The following RNFT2 variants were observed in gnomAD, a reference collection of about 807,000 sequenced individuals.
The protein encoded by RNFT2 is ring finger protein, transmembrane 2, also known as E3 ubiquitin-protein ligase RNFT2.
RNFT2 carries 36 observed loss-of-function variants against 53.0 expected under a neutral mutation model. The ratio of observed to expected loss-of-function variants is 0.68; its 90% CI spans 0.52 to 0.90. The LOEUF (loss-of-function observed/expected upper bound fraction) is 0.90, where lower values mean the gene tolerates loss of function less well. Among genes scored for constraint, RNFT2 ranks in the 40% least tolerant of loss-of-function variants. RNFT2 has a pLI of 0.00. For synonymous variants in RNFT2, 260 were observed against 253.2 expected, an observed-to-expected ratio of 1.03 and a Z score of -0.26; for missense variants, 514 against 585.6, an observed-to-expected ratio of 0.88 and a Z score of 1.26.
At chr12:116,806,981 T>G (rs575301708) in intron 7 of RNFT2, among the ~76,000 whole-genome samples, 1 of 152,282 alleles carries the variant, frequency 6.6e-6, no homozygotes, top group South Asian at 2.1e-4. Flanking sequence ...TCTCCCTTTT[T>G]ACATGGCTTC....
At chr12:116,765,423 G>A (rs1310892136) in intron 5 of RNFT2, among the ~76,000 whole-genome samples, 2 of 152,128 alleles carry the variant, frequency 1.3e-5, no homozygotes, top group East Asian at 3.9e-4. Context: ...CAGTGCGTGG[G>A]GCACTGAGCT....
intron 7 of RNFT2, among the ~76,000 whole-genome samples, chr12:116,798,396 G>A (rs1874610187): frequency 6.6e-6 from 1 of 152,252 alleles, no homozygotes; most frequent in Non-Finnish European, 1.5e-5. Context: ...ACACTGCACA[G>A]TGGTTAAATG....
At chr12:116,809,243 T>C (rs1489843793) in intron 7 of RNFT2, among the ~76,000 whole-genome samples, 1 of 152,210 alleles carries the variant, frequency 6.6e-6, no homozygotes, top group Non-Finnish European at 1.5e-5. Context: ...AGCAGAGTCG[T>C]GGCTGCATCC....
intron 7 of RNFT2, among the ~76,000 whole-genome samples, chr12:116,797,358 A>G (rs1428632028): frequency 6.6e-6 from 1 of 152,106 alleles, no homozygotes. Context: ...TCAGAAGTTC[A>G]AGACCAGCCT....
intron 3 of RNFT2, among the ~76,000 whole-genome samples, chr12:116,747,381 C>A (rs1228629939): frequency 6.6e-6 from 1 of 152,056 alleles, no homozygotes; most frequent in African/African-American, 2.4e-5. Flanking sequence ...AACATATTTC[C>A]TGGAGCCAAT....
In RNFT2 at chr12:116,846,498, C is replaced by G. The variant is rs60447155; in HGVS notation, c.1201-2816C>G. On this transcript the variant is annotated intron_variant, in intron 10 of 10. Transcript: ENST00000257575. ...GTGGAGGAAGTCTCGCCATGTTGCCCAGGCTGGTCTCAAACTCCTGGCCTC... is the reference window on the plus strand; with the variant it reads ...GTGGAGGAAGTCTCGCCATGTTGCCGAGGCTGGTCTCAAACTCCTGGCCTC... Among the ~76,000 whole-genome samples, 1,195 of 148,048 alleles carry G rather than the reference C, an allele frequency of 8.1e-3. 5 individuals carry two copies. The highest frequency in any genetic ancestry group is 0.027 in the African/African-American group (1,094 of 39,950).
intron 7 of RNFT2, among the ~76,000 whole-genome samples, chr12:116,796,719 G>A (rs7314211): frequency 1.8e-4 from 28 of 152,158 alleles, no homozygotes; most frequent in Admixed American, 1.2e-3. Flanking sequence ...CCCTCTCCCC[G>A]CCTTCCCTTC....
rs1331251869 is a variant in RNFT2 at position 116,851,096 on chromosome 12, CCT to C, written c.*1649_*1650del. ...TGATGGGGGAGGTACTGTTGGGTCC[CCT>C]GTTTTATAGATGAGGAAACTTGGGC... On this transcript the variant is annotated 3_prime_UTR_variant, in exon 11 of 11. Transcript: ENST00000257575. The C allele has an allele frequency of 6.6e-6, 1 of 152,178 alleles. No homozygotes were observed. Among genetic ancestry groups the C allele is most frequent in the Non-Finnish European group, 1.5e-5 (1 of 68,134 alleles). 9.4% of individuals were successfully genotyped at this position (152,178 alleles called of 1,614,324 possible).
At chr12:116,754,086 C>T (rs775137932) in intron 5 of RNFT2, 26 bp downstream of exon 5, 13 of 1,583,000 alleles carry the variant, frequency 8.2e-6, no homozygotes, top group Non-Finnish European at 1.1e-5. Flanking sequence ...ACCTAGTCTC[C>T]TGTGGCTGCT....
At chr12:116,784,694 C>T (rs1407297204) in intron 7 of RNFT2, among the ~76,000 whole-genome samples, 1 of 152,320 alleles carries the variant, frequency 6.6e-6, no homozygotes, top group Admixed American at 6.5e-5. Context: ...TCTAACTCTT[C>T]CTCTTTCTTC....
chr12:116,809,084 C>T (rs538860794), intron 7 of RNFT2, among the ~76,000 whole-genome samples: 25 of 152,300 alleles, frequency 1.6e-4, no homozygotes, highest in South Asian at 8.3e-4. Flanking sequence ...CCCTGCCTAT[C>T]GCTGGTAATC....
intron 7 of RNFT2, among the ~76,000 whole-genome samples, chr12:116,780,378 T>C (rs1873637358): frequency 6.6e-6 from 1 of 152,172 alleles, no homozygotes; most frequent in Non-Finnish European, 1.5e-5. Flanking sequence ...GCATACAACC[T>C]AGATCATCCC....
intron 7 of RNFT2, among the ~76,000 whole-genome samples, chr12:116,803,052 G>A (rs1006011373): frequency 8.6e-5 from 13 of 151,888 alleles, no homozygotes; most frequent in Admixed American, 3.9e-4. Flanking sequence ...CCGAGATCAC[G>A]CCACTGCACC....
chr12:116,838,228 T>A (rs1016327918), intron 10 of RNFT2, among the ~76,000 whole-genome samples: 1 of 152,226 alleles, frequency 6.6e-6, no homozygotes, highest in Non-Finnish European at 1.5e-5. Context: ...CAAATAAGGC[T>A]GTCATGAATG....
chr12:116,794,465 G>A (rs1229368515), intron 7 of RNFT2, among the ~76,000 whole-genome samples: 1 of 148,454 alleles, frequency 6.7e-6, no homozygotes, highest in Non-Finnish European at 1.5e-5. Flanking sequence ...AGGTGTGGTG[G>A]TGCACACCTG....
At chr12:116,810,312 C>T (rs1040762835) in intron 7 of RNFT2, among the ~76,000 whole-genome samples, 1 of 152,148 alleles carries the variant, frequency 6.6e-6, no homozygotes, top group African/African-American at 2.4e-5. Context: ...CCAGGCATCG[C>T]AAAGCCACAA....
At chr12:116,775,217 G>A (rs986753265) in intron 6 of RNFT2, among the ~76,000 whole-genome samples, 20 of 140,958 alleles carry the variant, frequency 1.4e-4, no homozygotes, top group Admixed American at 7.8e-4. Context: ...CCAAGATTGC[G>A]CCATTGCACT....
chr12:116,852,388 C>G lies in RNFT2; in HGVS notation c.*2940C>G, dbSNP rs1287027987. 1 of 1,336,988 alleles carries G rather than the reference C, an allele frequency of 7.5e-7. No homozygotes were observed. The highest frequency in any genetic ancestry group is 3.1e-5 in the East Asian group (1 of 32,436). 82.8% of individuals were successfully genotyped at this position (1,336,988 alleles called of 1,614,324 possible). A position where few individuals can be genotyped will look rare whatever the true frequency, so the allele number is the denominator to read the frequency against. Reference sequence around the variant, plus strand: ...CACCAAACCAGGACTTTCCCCTTGGCTTGGCATCCCTGGCTCTCTCCTGGT... The same window carrying G: ...CACCAAACCAGGACTTTCCCCTTGGGTTGGCATCCCTGGCTCTCTCCTGGT... On this transcript the variant is annotated 3_prime_UTR_variant, in exon 11 of 11. Transcript: ENST00000257575.
rs756812845 is a variant in RNFT2 at position 116,749,936 on chromosome 12, T to C, written c.179T>C (p.Phe60Ser). ...GAGGCAGCCTCCCCACCAGCGCTCT[T>C]CTCGGGCTTATCAGGCAGCCTCCCC... ...KAEAASPPAL[F>S]SGLSGSLPTS... The change falls in exon 4 of 11, where the codon TTC (phenylalanine) becomes TCC (serine). Residue 60 changes from phenylalanine (F) to serine (S), a missense_variant. This residue lies in a region of RNFT2 where 237 missense variants were observed against 235.1 expected (regional missense o/e 1.01). Transcript: ENST00000257575. The C allele has an allele frequency of 7.6e-6, 12 of 1,576,740 alleles. No individual in the cohort carries two copies. The South Asian group carries it at 1.4e-4, about 18-fold the overall frequency.
Sources: gnomAD v4.1 joint callset for allele counts (sites outside exome capture counted in the v4.1 genomes callset) on GRCh38, gnomAD v4.1.1 for gene constraint, gnomAD v4.1.1 regional missense constraint, MANE v1.5 for transcripts, NCBI Gene and HGNC (gene_info 2026-07-23, HGNC 2026-07-21) for gene names.